Variants in CSMD1 observed in about 807,000 individuals in gnomAD.
CSMD1 encodes the protein CUB and Sushi multiple domains 1.
CSMD1 carries 213 observed loss-of-function variants against 417.5 expected under a neutral mutation model. The observed-to-expected ratio is 0.51, with a 90% confidence interval of 0.46 to 0.57. The LOEUF (loss-of-function observed/expected upper bound fraction) is 0.57, where lower values mean the gene tolerates loss of function less well. Ranked by LOEUF, CSMD1 falls within the 20% of genes least tolerant of loss-of-function variation. The probability of loss-of-function intolerance (pLI) is 0.00; values close to 1 mark genes in which losing one functional copy is unlikely to be tolerated. For synonymous variants in CSMD1, 2,862 were observed against 1,736.8 expected, an observed-to-expected ratio of 1.65 and a Z score of -16.11; for missense variants, 6,923 against 4,529.7, an observed-to-expected ratio of 1.53 and a Z score of -15.17.
At chr8:3,977,907 A>C (rs1228095489) in intron 5 of CSMD1, among the ~76,000 whole-genome samples, 1 of 152,184 alleles carries the variant, frequency 6.6e-6, no homozygotes, top group South Asian at 2.1e-4. Flanking sequence ...ACTGACCTCC[A>C]ATTTCATGTC....
chr8:3,522,409 G>T (rs1357979770), intron 10 of CSMD1, among the ~76,000 whole-genome samples: 1 of 152,142 alleles, frequency 6.6e-6, no homozygotes, highest in Non-Finnish European at 1.5e-5. Context: ...TTTCGTGTGG[G>T]GGTTTTGTAT....
intron 3 of CSMD1, among the ~76,000 whole-genome samples, chr8:4,313,566 G>A (rs1046258324): frequency 1.3e-5 from 2 of 151,784 alleles, no homozygotes; most frequent in South Asian, 2.1e-4. Context: ...GTTATGGGAG[G>A]GAAAGAAGAA....
chr8:4,175,972 C>G (rs1210864256), intron 3 of CSMD1, among the ~76,000 whole-genome samples: 3 of 152,104 alleles, frequency 2.0e-5, no homozygotes, highest in Non-Finnish European at 4.4e-5. Flanking sequence ...CTGGGCTTCT[C>G]TCATTGTATT....
chr8:3,535,038 C>G (rs530219696), intron 10 of CSMD1, among the ~76,000 whole-genome samples: 21 of 152,172 alleles, frequency 1.4e-4, no homozygotes, highest in Admixed American at 9.2e-4. Flanking sequence ...GCATTCAACT[C>G]CTGGGCTTAA....
At chr8:3,856,285 C>T (rs1042939044) in intron 5 of CSMD1, among the ~76,000 whole-genome samples, 3 of 152,078 alleles carry the variant, frequency 2.0e-5, no homozygotes, top group Non-Finnish European at 4.4e-5. Flanking sequence ...CACCTGCTTC[C>T]GCTTCATCTT....
intron 4 of CSMD1, among the ~76,000 whole-genome samples, chr8:4,025,375 C>A (rs1255863209): frequency 6.6e-6 from 1 of 152,094 alleles, no homozygotes; most frequent in Non-Finnish European, 1.5e-5. Context: ...CCTGTAGGAC[C>A]CTAGATCTCA....
At chr8:4,329,155 C>T (rs897102580) in intron 3 of CSMD1, among the ~76,000 whole-genome samples, 13 of 152,062 alleles carry the variant, frequency 8.5e-5, no homozygotes, top group African/African-American at 2.2e-4. Flanking sequence ...CTTGAATGCA[C>T]GGTTCTCATC....
At chr8:4,113,650 C>A (rs189116539) in intron 3 of CSMD1, among the ~76,000 whole-genome samples, 1 of 152,180 alleles carries the variant, frequency 6.6e-6, no homozygotes, top group East Asian at 1.9e-4. Context: ...CTGATCCACC[C>A]GCCTCCACCT....
chr8:3,734,675 C>T (rs1796436773), intron 6 of CSMD1, among the ~76,000 whole-genome samples: 1 of 152,198 alleles, frequency 6.6e-6, no homozygotes, highest in Non-Finnish European at 1.5e-5. Flanking sequence ...TACGCCACTG[C>T]ACTCCAGCAT....
intron 3 of CSMD1, among the ~76,000 whole-genome samples, chr8:4,241,882 G>A (rs1479802929): frequency 1.3e-5 from 2 of 152,052 alleles, no homozygotes; most frequent in Non-Finnish European, 2.9e-5. Context: ...AAAGATGGAG[G>A]CAGAATGCAA....
chr8:4,581,880 C>T (rs571854467), intron 2 of CSMD1, among the ~76,000 whole-genome samples: 1 of 152,314 alleles, frequency 6.6e-6, no homozygotes, highest in African/African-American at 2.4e-5. Flanking sequence ...TCCAGATCTG[C>T]TGTGAATTGT....
intron 5 of CSMD1, among the ~76,000 whole-genome samples, chr8:3,983,784 G>T (rs1209946589): frequency 6.6e-6 from 1 of 151,236 alleles, no homozygotes; most frequent in African/African-American, 2.4e-5. Context: ...TCTAGAGCAC[G>T]TCGCAGTTCT....
intron 2 of CSMD1, among the ~76,000 whole-genome samples, chr8:4,488,463 A>T (rs929863288): frequency 7.2e-5 from 11 of 152,100 alleles, no homozygotes; most frequent in African/African-American, 2.7e-4. Flanking sequence ...TCAAATGAAT[A>T]TTCACAAAAT....
rs139143613 is a variant in CSMD1 at position 4,952,416 on chromosome 8, A to C, written c.85+41916T>G. The stretch of plus-strand genomic sequence containing the variant: ...ACACTTAAAAATTGTAAAATGGAAG[A>C]GTCTATATTAGTGAGTCATACTTAC... On this transcript the variant is annotated intron_variant, in intron 1 of 69. Transcript: ENST00000635120. Among the ~76,000 whole-genome samples the C allele has an allele frequency of 1.2e-3, 179 of 152,238 alleles. 4 individuals are homozygous for C. In the East Asian group the frequency reaches 0.015, roughly 13 times the overall value.
chr8:3,041,709 G>C (rs1811110961), intron 50 of CSMD1, among the ~76,000 whole-genome samples: 1 of 152,182 alleles, frequency 6.6e-6, no homozygotes, highest in Non-Finnish European at 1.5e-5. Flanking sequence ...TTAAATGAAA[G>C]ATGAGGATGC....
chr8:4,511,448 G>A (rs181712170), intron 2 of CSMD1, among the ~76,000 whole-genome samples: 1 of 152,306 alleles, frequency 6.6e-6, no homozygotes, highest in African/African-American at 2.4e-5. Context: ...GTTTTAAAAA[G>A]CAGAATACAG....
intron 1 of CSMD1, among the ~76,000 whole-genome samples, chr8:4,681,336 G>A (rs926137989): frequency 6.6e-6 from 1 of 152,230 alleles, no homozygotes; most frequent in Admixed American, 6.5e-5. Context: ...GATATAAGTG[G>A]TGTTGAAACC....
At chr8:3,041,833 G>C (rs11990339) in intron 50 of CSMD1, among the ~76,000 whole-genome samples, 6,064 of 152,284 alleles carry the variant, frequency 0.04, 413 homozygotes, top group African/African-American at 0.14. Context: ...TAAACCCCAT[G>C]TAGCCGACAG....
intron 3 of CSMD1, among the ~76,000 whole-genome samples, chr8:4,081,830 T>A (rs1456805982): frequency 6.6e-6 from 1 of 151,940 alleles, no homozygotes; most frequent in Admixed American, 6.6e-5. Context: ...CAAATAAAGT[T>A]AAAAAAAGTT....
Sources: allele counts gnomAD v4.1 joint callset (sites outside exome capture counted in the v4.1 genomes callset), GRCh38; gene constraint gnomAD v4.1.1; transcripts MANE v1.5; gene names NCBI Gene and HGNC (gene_info 2026-07-23, HGNC 2026-07-21).